Variants in DCDC2C observed in about 807,000 individuals in gnomAD.
The protein encoded by DCDC2C is doublecortin domain containing 2C.
DCDC2C carries 44 observed loss-of-function variants against 45.0 expected under a neutral mutation model. That is an observed-to-expected ratio of 0.98 (90% confidence interval 0.77 to 1.26). The LOEUF (loss-of-function observed/expected upper bound fraction) is 1.26. DCDC2C is among the 50% of genes most tolerant of loss of function. The pLI is 0.00. For synonymous variants in DCDC2C, 187 were observed against 178.8 expected, an observed-to-expected ratio of 1.05 and a Z score of -0.37; for missense variants, 447 against 468.9, an observed-to-expected ratio of 0.95 and a Z score of 0.43.
chr2:3,735,458 C>T (rs1668998630), intron 3 of DCDC2C, among the ~76,000 whole-genome samples: 1 of 151,982 alleles, frequency 6.6e-6, no homozygotes, highest in African/African-American at 2.4e-5. Context: ...GTTCCCCTTC[C>T]TGTGTCCATG....
chr2:3,779,738 A>T (rs984736736), intron 9 of DCDC2C, among the ~76,000 whole-genome samples: 7 of 151,948 alleles, frequency 4.6e-5, no homozygotes, highest in African/African-American at 1.7e-4. Flanking sequence ...CCAGGGCTGT[A>T]AACAGGCGGG....
intron 10 of DCDC2C, 134 bp downstream of exon 10, chr2:3,785,234 C>A: frequency 1.7e-6 from 1 of 586,010 alleles, no homozygotes; most frequent in Non-Finnish European, 2.5e-6. Context: ...GTCATACACC[C>A]TAGCTCTATT....
chr2:3,810,346 G>A (rs780126959), intron 10 of DCDC2C, among the ~76,000 whole-genome samples: 12 of 152,306 alleles, frequency 7.9e-5, no homozygotes, highest in Non-Finnish European at 1.3e-4. Flanking sequence ...GATGATCAGC[G>A]ATGTTGAACT....
intron 10 of DCDC2C, among the ~76,000 whole-genome samples, chr2:3,793,457 C>T (rs1558230469): frequency 4.6e-5 from 7 of 152,318 alleles, no homozygotes; most frequent in East Asian, 3.9e-4. Flanking sequence ...CTGACAAATG[C>T]GCCTGTGCCA....
chr2:3,810,520 C>T (rs1671368725), intron 10 of DCDC2C, among the ~76,000 whole-genome samples: 1 of 152,102 alleles, frequency 6.6e-6, no homozygotes, highest in Non-Finnish European at 1.5e-5. Flanking sequence ...AAAATTTTCT[C>T]CCATTCTGTA....
At chr2:3,705,103 A>G (rs1572544100) in intron 1 of DCDC2C, among the ~76,000 whole-genome samples, 1 of 152,354 alleles carries the variant, frequency 6.6e-6, no homozygotes, top group African/African-American at 2.4e-5. Flanking sequence ...CCGTTCAAAA[A>G]TGCTCTGAAT....
At chr2:3,828,419 T>A (rs1671878359) in intron 10 of DCDC2C, among the ~76,000 whole-genome samples, 1 of 152,192 alleles carries the variant, frequency 6.6e-6, no homozygotes, top group African/African-American at 2.4e-5. Flanking sequence ...CTGGGCAGCC[T>A]GGGGAGGTGA....
At chr2:3,729,188 G>A in intron 3 of DCDC2C, among the ~76,000 whole-genome samples, 1 of 152,158 alleles carries the variant, frequency 6.6e-6, no homozygotes, top group African/African-American at 2.4e-5. Flanking sequence ...TCTGGGCCCT[G>A]GAGTGGTTTT....
At chr2:3,741,631 T>C (rs1669210714) in intron 3 of DCDC2C, among the ~76,000 whole-genome samples, 1 of 152,086 alleles carries the variant, frequency 6.6e-6, no homozygotes, top group South Asian at 2.1e-4. Flanking sequence ...CTAAGGCACC[T>C]TCACTCCTAG....
chr2:3,783,704 G>A (rs1471942691), intron 9 of DCDC2C, among the ~76,000 whole-genome samples: 1 of 152,228 alleles, frequency 6.6e-6, no homozygotes, highest in Non-Finnish European at 1.5e-5. Flanking sequence ...GAGGTAGCGT[G>A]GGGCATCGCA....
rs114971651 is a variant in DCDC2C at position 3,709,320 on chromosome 2, G to T, written c.339+720G>T. On this transcript the variant is annotated intron_variant, in intron 2 of 10. Transcript: ENST00000399143. ...ATAATAGATACCTCAGAAGCTCGTT[G>T]TAAGGACTAAATGGTAAAATCTGTA... Among the ~76,000 whole-genome samples the T allele has an allele frequency of 2.1e-3, 316 of 152,328 alleles. 2 individuals are homozygous for T. Among genetic ancestry groups the T allele is most frequent in the African/African-American group, 7.3e-3 (303 of 41,570 alleles).
chr2:3,821,515 T>G (rs1671686571), intron 10 of DCDC2C, among the ~76,000 whole-genome samples: 1 of 152,222 alleles, frequency 6.6e-6, no homozygotes, highest in Non-Finnish European at 1.5e-5. Context: ...TTAATATACA[T>G]TTTTTATAGA....
intron 3 of DCDC2C, among the ~76,000 whole-genome samples, chr2:3,729,241 G>A (rs1668788325): frequency 6.6e-6 from 1 of 152,202 alleles, no homozygotes; most frequent in South Asian, 2.1e-4. Flanking sequence ...TGAGACCAGA[G>A]GGAGAGTGGG....
Position 3,704,897 on chromosome 2 carries a change from CATT to C in DCDC2C, c.287+863_287+865del, listed in dbSNP as rs754680506. On this transcript the variant is annotated intron_variant, in intron 1 of 10. Coordinates refer to ENST00000399143, the MANE Select transcript of DCDC2C (RefSeq NM_001287444.2). Reference sequence around the variant, plus strand: ...CTCCCACGGTTTGTGTCTGTAATCCCATTATTGCAGCCTGTGTCTGCTTTCTGT... The same window carrying C: ...CTCCCACGGTTTGTGTCTGTAATCCCATTGCAGCCTGTGTCTGCTTTCTGT... Among the ~76,000 whole-genome samples the C allele has an allele frequency of 3.3e-5, 5 of 152,262 alleles. No homozygotes were observed. In the South Asian group the frequency reaches 8.3e-4, roughly 25 times the overall value.
intron 10 of DCDC2C, among the ~76,000 whole-genome samples, chr2:3,823,055 A>C (rs1405968136): frequency 4.6e-5 from 7 of 152,062 alleles, no homozygotes; most frequent in Admixed American, 2.6e-4. Flanking sequence ...AGTCTATTAA[A>C]CTTCTTTCTT....
intron 5 of DCDC2C, 92 bp from the exon 6 acceptor site, chr2:3,754,500 T>A (rs1038853220): frequency 6.3e-5 from 82 of 1,307,088 alleles, no homozygotes; most frequent in Non-Finnish European, 8.2e-5. Context: ...CGTGGTCACT[T>A]CCCTCCTAAA....
chr2:3,828,105 A>G (rs1671870412), intron 10 of DCDC2C, among the ~76,000 whole-genome samples: 1 of 152,362 alleles, frequency 6.6e-6, no homozygotes, highest in South Asian at 2.1e-4. Flanking sequence ...TTTATAAAAC[A>G]TACATGGAAC....
At chr2:3,742,241 C>A (rs1282743457) in intron 4 of DCDC2C, among the ~76,000 whole-genome samples, 193 bp downstream of exon 4, 1 of 152,210 alleles carries the variant, frequency 6.6e-6, no homozygotes, top group Non-Finnish European at 1.5e-5. Flanking sequence ...TTCATTTATT[C>A]ATTCAACAAA....
At chr2:3,704,697 T>G (rs1272396733) in intron 1 of DCDC2C, among the ~76,000 whole-genome samples, 1 of 5,790 alleles carries the variant, frequency 1.7e-4, no homozygotes, top group Non-Finnish European at 2.9e-4. Flanking sequence ...GGGAGGAGTG[T>G]AGGGGAGGGG....
Sources: allele counts gnomAD v4.1 joint callset (sites outside exome capture counted in the v4.1 genomes callset), GRCh38; gene constraint gnomAD v4.1.1; transcripts MANE v1.5; gene names NCBI Gene and HGNC (gene_info 2026-07-23, HGNC 2026-07-21).